GLB1: variants seen among roughly 807,000 people sequenced by gnomAD.
GLB1 encodes the protein galactosidase beta 1.
Under a neutral mutation model 74.0 loss-of-function variants are expected in GLB1, and 56 were observed. The observed-to-expected ratio is 0.76, with a 90% CI of 0.61 to 0.94. The LOEUF (loss-of-function observed/expected upper bound fraction) is 0.94, where lower values mean the gene tolerates loss of function less well. Among genes scored for constraint, GLB1 ranks in the 40% least tolerant of loss-of-function variants. The pLI is 0.00. For missense variants in GLB1, 787 were observed against 845.5 expected (o/e 0.93, Z 0.86); for synonymous variants, 323 against 323.6 (o/e 1.00, Z 0.02).
intron 15 of GLB1, among the ~76,000 whole-genome samples, chr3:33,011,987 A>G (rs1280541258): frequency 6.6e-6 from 1 of 152,130 alleles, no homozygotes; most frequent in Non-Finnish European, 1.5e-5. Flanking sequence ...TTCTGTCTTT[A>G]TCTTATTTGT....
chr3:33,020,541 G>A (rs1318314027), intron 12 of GLB1, among the ~76,000 whole-genome samples: 1 of 152,186 alleles, frequency 6.6e-6, no homozygotes, highest in Non-Finnish European at 1.5e-5. Flanking sequence ...TCTAATTAGT[G>A]AGGCAAAGTC....
At chr3:33,012,366 C>T (rs183477192) in intron 15 of GLB1, among the ~76,000 whole-genome samples, 1 of 152,210 alleles carries the variant, frequency 6.6e-6, no homozygotes, top group Non-Finnish European at 1.5e-5. Context: ...GGTGGGGCCC[C>T]CTCTGGGAGG....
At chr3:33,009,158 A>T (rs373143083) in intron 15 of GLB1, among the ~76,000 whole-genome samples, 2 of 92,236 alleles carry the variant, frequency 2.2e-5, no homozygotes, top group Admixed American at 9.5e-5. Flanking sequence ...AATAAATAAA[A>T]AAGATTGTGG....
At chr3:33,052,837 G>GT (rs1455442915) in intron 7 of GLB1, 1 of 154,840 alleles carries the variant, frequency 6.5e-6, no homozygotes, top group African/African-American at 2.4e-5. Flanking sequence ...GGGACTTCTT[G>GT]TTTTAGGTTC....
At chr3:32,991,997 C>T (rs114630230), downstream of GLB1, among the ~76,000 whole-genome samples, 1,947 of 152,358 alleles carry the variant, frequency 0.013, 37 homozygotes, top group African/African-American at 0.044. Flanking sequence ...AGAAATGCCC[C>T]GTGGGCAAGG....
In GLB1 at chr3:33,014,189, T is replaced by G. The variant is rs770982909; in HGVS notation, c.1601A>C (p.His534Pro). 1.2e-6 allele frequency: 2 copies of G among 1,614,120 alleles called. No homozygotes were observed. The highest frequency in any genetic ancestry group is 1.3e-5 in the African/African-American group (1 of 75,030). The change falls in exon 15 of 16, where the codon CAC becomes CCC. Residue 534 changes from histidine to proline, a missense_variant. Coordinates refer to ENST00000307363, the MANE Select transcript of GLB1 (RefSeq NM_000404.4). ...GTTGTGGGCCCAGGCTTCATCATGG[T>G]GGCCACTGTCACGGTGTCCCCAGCC... ...LGGWGHRDSG[H>P]HDEAWAHNSS... is the part of the protein sequence containing the mutation.
chr3:33,091,698 C>T, intron 1 of GLB1: 1 of 985,304 alleles, frequency 1.0e-6, no homozygotes, highest in Non-Finnish European at 1.2e-6. Context: ...GGAAAGTCAC[C>T]CACCCAACGC....
intron 10 of GLB1, among the ~76,000 whole-genome samples, chr3:33,031,867 G>A (rs1237264709): frequency 6.6e-6 from 1 of 151,302 alleles, no homozygotes; most frequent in African/African-American, 2.4e-5. Context: ...GCATGATCTC[G>A]GCTCACTGCA....
intron 15 of GLB1, among the ~76,000 whole-genome samples, chr3:33,009,932 T>A (rs190414119): frequency 6.6e-6 from 1 of 152,268 alleles, no homozygotes; most frequent in Non-Finnish European, 1.5e-5. Context: ...GATTGTGGCA[T>A]GTTATCAGTA....
At chr3:33,075,253 C>G (rs1353015679) in intron 1 of GLB1, among the ~76,000 whole-genome samples, 1 of 152,152 alleles carries the variant, frequency 6.6e-6, no homozygotes, top group African/African-American at 2.4e-5. Context: ...ATTCATTAGA[C>G]AGGTAGAAAG....
At chr3:33,018,326 A>AAAAAATTT in intron 13 of GLB1, 122 bp downstream of exon 13, 1 of 397,146 alleles carries the variant, frequency 2.5e-6, no homozygotes, top group African/African-American at 2.6e-5. Flanking sequence ...AAAAAAAAAG[A>AAAAAATTT]TGATGGGTAG....
intron 13 of GLB1, 79 bp downstream of exon 13, chr3:33,018,369 A>C: frequency 7.2e-7 from 1 of 1,384,852 alleles, no homozygotes. Flanking sequence ...CAAAGACCCC[A>C]AATGCTGTGT....
intron 10 of GLB1, among the ~76,000 whole-genome samples, chr3:33,024,642 A>C (rs1346534025): frequency 6.6e-6 from 1 of 152,248 alleles, no homozygotes; most frequent in Admixed American, 6.5e-5. Flanking sequence ...GGAAAAAAGG[A>C]AACAGGTACG....
At chr3:33,021,885 A>G (rs577894733) in intron 11 of GLB1, among the ~76,000 whole-genome samples, 3 of 152,324 alleles carry the variant, frequency 2.0e-5, no homozygotes, top group African/African-American at 7.2e-5. Context: ...AAAGGTTTCA[A>G]ACATACCTAT....
Position 33,034,814 on chromosome 3 carries a change from G to C in GLB1, c.1069-10489C>G, listed in dbSNP as rs1698202214. ...GGGCCAGCATAACAAGCAGTGACAA[G>C]ACAGGCAGAGCCTCCCACCTGCCAG... is the stretch of plus-strand genomic sequence containing the variant. On this transcript the variant is annotated intron_variant, in intron 10 of 15. Coordinates refer to ENST00000307363, the MANE Select transcript of GLB1 (RefSeq NM_000404.4). The C allele has an allele frequency of 8.3e-6, 5 of 602,528 alleles. No homozygotes were observed. In the East Asian group the frequency reaches 2.1e-4, roughly 25 times the overall value. The allele number at this position is 602,528 out of a possible 1,614,324, so 37.3% of individuals were successfully genotyped here. A position where few individuals can be genotyped will look rare whatever the true frequency, so the allele number is the denominator to read the frequency against.
rs541735159 is a variant in GLB1, at chr3:32,996,917, T to A, written c.*128A>T. On this transcript the variant is annotated 3_prime_UTR_variant, in exon 16 of 16. Transcript: ENST00000307363. ...GGCACTGCAGGGATGCAGGGAAACC[T>A]CAGGTGAAAATGCACATCCTAAATT... 8 of 1,564,176 alleles carry A rather than the reference T, an allele frequency of 5.1e-6. No individual in the cohort carries two copies. The East Asian group carries it at 1.8e-4, about 35-fold the overall frequency.
chr3:33,044,742 C>T (rs996948751), intron 10 of GLB1, among the ~76,000 whole-genome samples: 10 of 152,052 alleles, frequency 6.6e-5, no homozygotes, highest in African/African-American at 2.4e-4. Flanking sequence ...AAAACGACAT[C>T]ATACTTAAAA....
chr3:33,028,481 G>GT (rs1418344232), intron 10 of GLB1, among the ~76,000 whole-genome samples: 1 of 151,002 alleles, frequency 6.6e-6, no homozygotes. Flanking sequence ...TTCTCGTTTT[G>GT]TTTTTTTGAG....
intron 10 of GLB1, among the ~76,000 whole-genome samples, chr3:33,026,482 T>C (rs114152061): frequency 0.037 from 5,620 of 152,070 alleles, 133 homozygotes; most frequent in South Asian, 0.063. Flanking sequence ...TGGCAGAAGG[T>C]AGACAGGCTC....
Sources: gnomAD v4.1 joint callset for allele counts (sites outside exome capture counted in the v4.1 genomes callset) on GRCh38, gnomAD v4.1.1 for gene constraint, MANE v1.5 for transcripts, NCBI Gene and HGNC (gene_info 2026-07-23, HGNC 2026-07-21) for gene names.